Variants in ADGRL2 observed in about 807,000 individuals in gnomAD.
ADGRL2 encodes adhesion G protein-coupled receptor L2.
ADGRL2 carries 44 observed loss-of-function variants against 157.4 expected under a neutral mutation model. The observed-to-expected ratio is 0.28, with a 90% confidence interval of 0.22 to 0.36. The LOEUF is 0.36. ADGRL2 is among the 10% of genes least tolerant of loss of function. The pLI, the probability that ADGRL2 is intolerant of heterozygous loss-of-function variation, is 1.00. For synonymous variants in ADGRL2, 585 were observed against 624.7 expected, an observed-to-expected ratio of 0.94 and a Z score of 0.95; for missense variants, 1,510 against 1,768.9, an observed-to-expected ratio of 0.85 and a Z score of 2.63.
intron 3 of ADGRL2, among the ~76,000 whole-genome samples, chr1:81,682,939 C>T (rs2083151208): frequency 6.6e-6 from 1 of 152,164 alleles, no homozygotes; most frequent in Admixed American, 6.5e-5. Flanking sequence ...CGAGACCAGC[C>T]TGGCCAAAAT....
intron 1 of ADGRL2, among the ~76,000 whole-genome samples, chr1:81,723,857 A>G (rs545512992): frequency 1.3e-5 from 2 of 152,212 alleles, no homozygotes; most frequent in Non-Finnish European, 2.9e-5. Flanking sequence ...GTAGAATTGG[A>G]GTACTTAGTT....
At chr1:81,310,969 C>T (rs374410514) in intron 1 of ADGRL2, among the ~76,000 whole-genome samples, 18 of 152,098 alleles carry the variant, frequency 1.2e-4, no homozygotes, top group African/African-American at 4.1e-4. Context: ...AAGAACGTGT[C>T]CCTCATTACT....
At chr1:81,832,212 G>A (rs1356183306) in intron 1 of ADGRL2, among the ~76,000 whole-genome samples, 1 of 152,108 alleles carries the variant, frequency 6.6e-6, no homozygotes, top group African/African-American at 2.4e-5. Context: ...CACGATCTCG[G>A]CTCACTGCAA....
At chr1:81,354,227 A>G (rs6674637) in intron 1 of ADGRL2, among the ~76,000 whole-genome samples, 134,690 of 152,136 alleles carry the variant, frequency 0.89, 60,198 homozygotes, top group East Asian at 0.99. Context: ...ACAATTACTC[A>G]TCTCATCTCA....
intron 3 of ADGRL2, among the ~76,000 whole-genome samples, chr1:81,637,910 T>C: frequency 6.6e-6 from 1 of 151,612 alleles, no homozygotes; most frequent in East Asian, 1.9e-4. Context: ...TTAAAAGGTA[T>C]GCTTTTTTTT....
At chr1:81,521,914 A>G (rs905126086) in intron 2 of ADGRL2, among the ~76,000 whole-genome samples, 9 of 151,780 alleles carry the variant, frequency 5.9e-5, no homozygotes, top group Non-Finnish European at 1.2e-4. Flanking sequence ...TTGAGAAGAT[A>G]TCGTCATTGG....
At chr1:81,641,236 C>A (rs2082213482) in intron 3 of ADGRL2, among the ~76,000 whole-genome samples, 1 of 152,110 alleles carries the variant, frequency 6.6e-6, no homozygotes, top group Non-Finnish European at 1.5e-5. Context: ...CTTTAACACC[C>A]CTGTATATGA....
chr1:81,794,399 C>A (rs921307573), intron 2 of ADGRL2, among the ~76,000 whole-genome samples: 3 of 152,030 alleles, frequency 2.0e-5, no homozygotes, highest in Admixed American at 1.3e-4. Context: ...TGTGGATGGT[C>A]CAGTGAAACA....
chr1:81,862,559 G>A (rs1023519235), intron 2 of ADGRL2, among the ~76,000 whole-genome samples: 1 of 152,120 alleles, frequency 6.6e-6, no homozygotes, highest in African/African-American at 2.4e-5. Flanking sequence ...CCATGACTTT[G>A]TCACTATATA....
Position 81,469,861 on chromosome 1 carries a change from C to T in ADGRL2, c.-248+24772C>T, listed in dbSNP as rs1439478052. Among the ~76,000 whole-genome samples, 5 of 152,206 alleles carry T rather than the reference C, an allele frequency of 3.3e-5. No individual in the cohort carries two copies. In the East Asian group the frequency reaches 9.6e-4, roughly 29 times the overall value. Reference sequence around the variant, plus strand: ...CGTCAGTGTGCTTCTTAAACACATCCTATGCAATTCAGCTCTTTATTCTCT... The same window carrying T: ...CGTCAGTGTGCTTCTTAAACACATCTTATGCAATTCAGCTCTTTATTCTCT... On this transcript the variant is annotated intron_variant, in intron 2 of 24. Transcript: ENST00000370721.
chr1:81,831,997 T>A (rs1013090555), intron 1 of ADGRL2, among the ~76,000 whole-genome samples: 10 of 152,186 alleles, frequency 6.6e-5, no homozygotes, highest in Admixed American at 6.5e-4. Context: ...AATACTGATC[T>A]TGCTTTTTTG....
intron 2 of ADGRL2, among the ~76,000 whole-genome samples, chr1:81,529,828 C>A (rs567270992): frequency 6.6e-6 from 1 of 152,164 alleles, no homozygotes; most frequent in Non-Finnish European, 1.5e-5. Flanking sequence ...AGCCCAAAGT[C>A]TGCAGTTTCA....
At chr1:81,643,680 T>C (rs191675236) in intron 3 of ADGRL2, among the ~76,000 whole-genome samples, 1 of 152,228 alleles carries the variant, frequency 6.6e-6, no homozygotes, top group East Asian at 1.9e-4. Flanking sequence ...TACATAGGTG[T>C]AAATGTAACA....
At chr1:81,324,664 A>C (rs1660767221) in intron 1 of ADGRL2, among the ~76,000 whole-genome samples, 1 of 152,016 alleles carries the variant, frequency 6.6e-6, no homozygotes, top group Non-Finnish European at 1.5e-5. Context: ...GTAATATGTC[A>C]AGCAAGACCC....
At chr1:81,328,304 T>C (rs1359138841) in intron 1 of ADGRL2, among the ~76,000 whole-genome samples, 2 of 152,092 alleles carry the variant, frequency 1.3e-5, no homozygotes, top group Non-Finnish European at 2.9e-5. Flanking sequence ...GAGGGAAGAA[T>C]TTTGAGGAAA....
chr1:81,925,087 A>T (rs1239397455), intron 3 of ADGRL2, among the ~76,000 whole-genome samples: 1 of 152,106 alleles, frequency 6.6e-6, no homozygotes, highest in South Asian at 2.1e-4. Context: ...AATTCCTTCT[A>T]TGTGGGAAAG....
intron 13 of ADGRL2, 118 bp downstream of exon 13, chr1:81,966,727 A>G: frequency 2.5e-6 from 2 of 795,012 alleles, no homozygotes; most frequent in East Asian, 2.4e-5. Flanking sequence ...AGGAAAGACA[A>G]GACCTTTCCA....
chr1:81,472,267 CCTAT>C (rs1386819878), intron 2 of ADGRL2, among the ~76,000 whole-genome samples: 1 of 152,180 alleles, frequency 6.6e-6, no homozygotes, highest in African/African-American at 2.4e-5. Flanking sequence ...TATCATTGAA[CCTAT>C]CTGTTTATTT....
intron 1 of ADGRL2, chr1:81,426,997 C>A: frequency 1.1e-6 from 1 of 916,390 alleles, no homozygotes; most frequent in Non-Finnish European, 1.8e-6. Flanking sequence ...CAGTTGATAA[C>A]ATTGTTATTC....
Sources: gnomAD v4.1 joint callset for allele counts (sites outside exome capture counted in the v4.1 genomes callset) on GRCh38, gnomAD v4.1.1 for gene constraint, MANE v1.5 for transcripts, NCBI Gene and HGNC (gene_info 2026-07-23, HGNC 2026-07-21) for gene names.